LMNB1: variants seen among roughly 807,000 people sequenced by gnomAD.
The protein encoded by LMNB1 is lamin B1, also known as lamin-B1.
Under a neutral mutation model 67.1 loss-of-function variants are expected in LMNB1, and 23 were observed. That is an observed-to-expected ratio of 0.34 (90% CI 0.25 to 0.49). The LOEUF is 0.49. LMNB1 is among the 20% of genes least tolerant of loss of function. The probability of loss-of-function intolerance (pLI) is 0.99; values close to 1 mark genes in which losing one functional copy is unlikely to be tolerated. For synonymous variants in LMNB1, 281 were observed against 282.9 expected, an observed-to-expected ratio of 0.99 and a Z score of 0.07; for missense variants, 634 against 746.5, an observed-to-expected ratio of 0.85 and a Z score of 1.76.
At chr5:126,783,604 T>A (rs1750687037) in intron 1 of LMNB1, among the ~76,000 whole-genome samples, 1 of 152,164 alleles carries the variant, frequency 6.6e-6, no homozygotes, top group Non-Finnish European at 1.5e-5. Flanking sequence ...TAAAGCAAGA[T>A]CTTTTGGAGT....
At position 126,777,241 on chromosome 5, in the gene LMNB1, G is replaced by A; in HGVS notation, c.-268G>A. The A allele has an allele frequency of 3.0e-6, 1 of 338,142 alleles. No individual in the cohort carries two copies. Among genetic ancestry groups the A allele is most frequent in the Non-Finnish European group, 5.3e-6 (1 of 188,116 alleles). The allele number at this position is 338,142 out of a possible 1,614,324, so 20.9% of individuals were successfully genotyped here. A position where few individuals can be genotyped will look rare whatever the true frequency, so the allele number is the denominator to read the frequency against. ...CCTCGTCTTGCATTTTCCCGCGTGC[G>A]TGTGTGAGTGGGTGTGTGTGTTTTC... On this transcript the variant is annotated 5_prime_UTR_variant, in exon 1 of 11. It adds an upstream start codon to the 5' untranslated region. Coordinates refer to ENST00000261366, the MANE Select transcript of LMNB1 (RefSeq NM_005573.4).
chr5:126,804,624 G>A (rs772403600), intron 1 of LMNB1, 152 bp from the exon 2 acceptor site: 7 of 600,508 alleles, frequency 1.2e-5, no homozygotes, highest in African/African-American at 1.9e-5. Flanking sequence ...AAAAACTCTA[G>A]ATCCAGTGCT....
chr5:126,783,118 T>G (rs1292242168), intron 1 of LMNB1, among the ~76,000 whole-genome samples: 1 of 151,872 alleles, frequency 6.6e-6, no homozygotes, highest in Non-Finnish European at 1.5e-5. Context: ...GAGAATCTCT[T>G]GAACCCAGCA....
At chr5:126,799,174 T>A (rs1751198816) in intron 1 of LMNB1, among the ~76,000 whole-genome samples, 1 of 151,974 alleles carries the variant, frequency 6.6e-6, no homozygotes, top group Non-Finnish European at 1.5e-5. Context: ...GCCCGCCACC[T>A]CGCCCGGCTA....
chr5:126,820,870 A>C, intron 6 of LMNB1, 40 bp from the exon 7 acceptor site: 1 of 1,430,308 alleles, frequency 7.0e-7, no homozygotes, highest in Non-Finnish European at 9.8e-7. Flanking sequence ...AGAAGGGCAT[A>C]TGTGTTTTAA....
At chr5:126,809,666 G>A (rs995150809) in intron 3 of LMNB1, among the ~76,000 whole-genome samples, 5 of 151,916 alleles carry the variant, frequency 3.3e-5, no homozygotes, top group South Asian at 2.1e-4. Flanking sequence ...CAGCCTGGGC[G>A]ACAGAGTGAT....
At chr5:126,800,871 T>G (rs1580536471) in intron 1 of LMNB1, among the ~76,000 whole-genome samples, 3 of 139,788 alleles carry the variant, frequency 2.1e-5, no homozygotes, top group African/African-American at 7.9e-5. Flanking sequence ...AGGCTGGTCT[T>G]GACCTCCCAA....
At chr5:126,836,091 G>C (rs138637490) in intron 10 of LMNB1, 132 bp from the exon 11 acceptor site, 41 of 684,166 alleles carry the variant, frequency 6.0e-5, no homozygotes, top group South Asian at 1.8e-5. Flanking sequence ...GAAAAGATGA[G>C]AGATGATAAA....
In LMNB1 at chr5:126,818,975, A is replaced by G; in HGVS notation, c.993A>G (p.Glu331=). ...AATTAGAGGACTTGCTTGCTAAAGAAAAAGACAACTCTCGTCGCATGCTGA... is the reference window on the plus strand; with the variant it reads ...AATTAGAGGACTTGCTTGCTAAAGAGAAAGACAACTCTCGTCGCATGCTGA... ...IQELEDLLAK[E]KDNSRRMLTD... Residue 331 remains glutamate (E), a synonymous_variant, in exon 6 of 11, where the codon GAA becomes GAG. Transcript: ENST00000261366. The G allele has an allele frequency of 6.2e-7, 1 of 1,614,200 alleles. No individual in the cohort carries two copies. Among genetic ancestry groups the G allele is most frequent in the Non-Finnish European group, 8.5e-7 (1 of 1,180,034 alleles).
rs1208437223 is a variant in LMNB1, at chr5:126,822,824, A to G, written c.1430A>G (p.Asp477Gly). 2.3e-5 allele frequency: 37 copies of G among 1,613,234 alleles called. No homozygotes were observed. Among genetic ancestry groups the G allele is most frequent in the Non-Finnish European group, 3.1e-5 (36 of 1,179,348 alleles). The change falls in exon 8 of 11, where the codon GAC becomes GGC. Residue 477 changes from aspartate (D) to glycine (G), a missense_variant. Coordinates refer to ENST00000261366, the MANE Select transcript of LMNB1 (RefSeq NM_005573.4). ...TGGGAGATGATCAGAAAAATTGGAG[A>G]CACATCAGTCAGTTATAAATATACC... Reference protein sequence around the residue: ...GGWEMIRKIGDTSVSYKYTSR... With the variant: ...GGWEMIRKIGGTSVSYKYTSR...
chr5:126,821,098 A>T lies in LMNB1; in HGVS notation c.1349A>T (p.Asp450Val), dbSNP rs779240790. The stretch of plus-strand genomic sequence containing the variant: ...GTTTGCATCGAAGAAATTGATGTTG[A>T]TGGGAAATTTATCCGCTTGAAGAAC... ...GNVCIEEIDV[D>V]GKFIRLKNTS... is the part of the protein sequence containing the mutation. The change falls in exon 7 of 11, where the codon GAT (aspartate) becomes GTT (valine). Residue 450 changes from aspartate to valine, a missense_variant. Physicochemically the swap from Asp to Val is radical, Grantham distance 152 (BLOSUM62 -3). Transcript: ENST00000261366. 2 of 1,613,914 alleles carry T rather than the reference A, an allele frequency of 1.2e-6. No homozygotes were observed. Among genetic ancestry groups the T allele is most frequent in the Admixed American group, 1.7e-5 (1 of 60,024 alleles).
Position 126,820,907 on chromosome 5 carries a change from T to C in LMNB1, c.1161-3T>C, listed in dbSNP as rs754685071. 3.7e-6 allele frequency: 6 copies of C among 1,608,162 alleles called. No individual in the cohort carries two copies. Among genetic ancestry groups the C allele is most frequent in the Non-Finnish European group, 5.1e-6 (6 of 1,174,806 alleles). ...AATGAATTGTTTTATTTTTCCCATA[T>C]AGGTTGAAGCTGTCTCCAAGCCCTT... On this transcript the variant is annotated splice_polypyrimidine_tract_variant and splice_region_variant and intron_variant, in intron 6 of 10. Transcript: ENST00000261366.
At chr5:126,785,140 C>T (rs1293014743) in intron 1 of LMNB1, among the ~76,000 whole-genome samples, 3 of 140,582 alleles carry the variant, frequency 2.1e-5, no homozygotes, top group Non-Finnish European at 4.7e-5. Flanking sequence ...CCACCATGCC[C>T]GGCTAATTTT....
intron 1 of LMNB1, among the ~76,000 whole-genome samples, chr5:126,801,401 CAG>C (rs1416630497): frequency 1.3e-5 from 2 of 152,118 alleles, no homozygotes; most frequent in Non-Finnish European, 2.9e-5. Flanking sequence ...GGGTGGCCCT[CAG>C]GGTACCACAA....
At chr5:126,825,214 GC>G (rs1751968227) in intron 8 of LMNB1, among the ~76,000 whole-genome samples, 2 of 152,134 alleles carry the variant, frequency 1.3e-5, no homozygotes, top group Non-Finnish European at 2.9e-5. Context: ...CTTTCTGACT[GC>G]CAGGTGTTCT....
At chr5:126,811,233 G>A (rs1751571400) in intron 4 of LMNB1, among the ~76,000 whole-genome samples, 1 of 152,238 alleles carries the variant, frequency 6.6e-6, no homozygotes, top group Admixed American at 6.5e-5. Context: ...GAGCCAGGGA[G>A]GAGACACAGG....
At chr5:126,835,861 G>T (rs547674850) in intron 10 of LMNB1, among the ~76,000 whole-genome samples, 1 of 152,256 alleles carries the variant, frequency 6.6e-6, no homozygotes, top group African/African-American at 2.4e-5. Context: ...CCAAGGGCAG[G>T]TGGATCACTT....
At position 126,815,171 on chromosome 5, in the gene LMNB1, G is replaced by A. The variant is rs1353633506; in HGVS notation, c.939+3273G>A. On this transcript the variant is annotated intron_variant, in intron 5 of 10. Coordinates refer to ENST00000261366, the MANE Select transcript of LMNB1 (RefSeq NM_005573.4). ...TTTTCCTATTGTTTGTCTTAATAGT[G>A]TTTGTTGCTGAGTCATATCAGTTTC... The A allele has an allele frequency of 2.0e-5, 3 of 152,140 alleles. No individual in the cohort carries two copies. In the South Asian group the frequency reaches 6.2e-4, roughly 32 times the overall value. The allele number at this position is 152,140 out of a possible 1,614,324, so 9.4% of individuals were successfully genotyped here. A position where few individuals can be genotyped will look rare whatever the true frequency, so the allele number is the denominator to read the frequency against.
chr5:126,829,266 C>T (rs1752073091), intron 9 of LMNB1, among the ~76,000 whole-genome samples: 1 of 151,912 alleles, frequency 6.6e-6, no homozygotes, highest in African/African-American at 2.4e-5. Flanking sequence ...CAGTGGCTCA[C>T]AGCATGTCCC....
Sources: allele counts gnomAD v4.1 joint callset (sites outside exome capture counted in the v4.1 genomes callset), GRCh38; gene constraint gnomAD v4.1.1; transcripts MANE v1.5; gene names NCBI Gene and HGNC (gene_info 2026-07-23, HGNC 2026-07-21).